The following MPP2 variants were observed in gnomAD, a reference collection of about 807,000 sequenced individuals.
MPP2 encodes MAGUK p55 subfamily member 2.
Under a neutral mutation model 58.5 loss-of-function variants are expected in MPP2, and 42 were observed. The observed-to-expected ratio is 0.72, with a 90% CI of 0.56 to 0.93. The LOEUF is 0.93. Ranked by LOEUF, MPP2 falls within the 40% of genes least tolerant of loss-of-function variation. The pLI is 0.00. For synonymous variants in MPP2, 300 were observed against 307.8 expected, an observed-to-expected ratio of 0.97 and a Z score of 0.26; for missense variants, 632 against 760.4, an observed-to-expected ratio of 0.83 and a Z score of 1.99.
At chr17:43,908,672 G>C (rs1567911159), upstream of MPP2, among the ~76,000 whole-genome samples, 1 of 152,164 alleles carries the variant, frequency 6.6e-6, no homozygotes, top group Non-Finnish European at 1.5e-5. Context: ...TTGCAACACC[G>C]CACTCCAGCC....
chr17:43,896,718 T>C (rs1459598942), intron 3 of MPP2, among the ~76,000 whole-genome samples: 2 of 152,128 alleles, frequency 1.3e-5, no homozygotes, highest in African/African-American at 4.8e-5. Flanking sequence ...ACATGGACAG[T>C]CGAGGTCCCC....
intron 3 of MPP2, among the ~76,000 whole-genome samples, chr17:43,886,004 A>G (rs1440929264): frequency 6.6e-6 from 1 of 151,942 alleles, no homozygotes; most frequent in Non-Finnish European, 1.5e-5. Flanking sequence ...GCTACTCAGG[A>G]GGCTGAGTCA....
intron 3 of MPP2, among the ~76,000 whole-genome samples, chr17:43,892,108 T>C (rs2047631864): frequency 6.6e-6 from 1 of 152,210 alleles, no homozygotes; most frequent in Admixed American, 6.5e-5. Flanking sequence ...CTGATCTCTC[T>C]GCCAGACTTG....
At chr17:43,901,255 G>A (rs1342993842) in intron 2 of MPP2, 36 of 985,216 alleles carry the variant, frequency 3.7e-5, no homozygotes, top group Non-Finnish European at 4.1e-5. Context: ...CATCGCTGTG[G>A]GTAGGGATGG....
At chr17:43,901,337 C>G (rs1344259893) in intron 2 of MPP2, 1 of 985,408 alleles carries the variant, frequency 1.0e-6, no homozygotes, top group African/African-American at 1.7e-5. Context: ...AGTTCTTCCT[C>G]TTAATGAAGG....
chr17:43,897,896 A>G (rs2047915750), intron 3 of MPP2, among the ~76,000 whole-genome samples: 1 of 152,208 alleles, frequency 6.6e-6, no homozygotes, highest in African/African-American at 2.4e-5. Flanking sequence ...TCTCTCCCCA[A>G]CCTGATACAT....
intron 2 of MPP2, chr17:43,900,743 G>T: frequency 1.9e-6 from 2 of 1,042,330 alleles, no homozygotes; most frequent in Non-Finnish European, 2.6e-6. Context: ...GCTGCGCGGT[G>T]CAGAGCAGGC....
intron 2 of MPP2, among the ~76,000 whole-genome samples, chr17:43,904,177 C>T (rs779826624): frequency 6.6e-6 from 1 of 152,170 alleles, no homozygotes; most frequent in Non-Finnish European, 1.5e-5. Context: ...CTGCCCTCCA[C>T]GGAGGTGAGT....
chr17:43,904,864 T>C (rs1397664124), intron 1 of MPP2, among the ~76,000 whole-genome samples: 2 of 152,212 alleles, frequency 1.3e-5, no homozygotes, highest in East Asian at 3.8e-4. Context: ...AGGAAACAAG[T>C]AGAATTTTTA....
At chr17:43,878,116 AG>A in intron 12 of MPP2, 133 bp from the exon 13 acceptor site, 1 of 933,614 alleles carries the variant, frequency 1.1e-6, no homozygotes, top group Non-Finnish European at 1.6e-6. Context: ...CTAGGGAGGC[AG>A]GGGCCCCTCT....
intron 6 of MPP2, among the ~76,000 whole-genome samples, chr17:43,881,798 G>A (rs1418834631): frequency 2.0e-5 from 3 of 152,140 alleles, no homozygotes; most frequent in Non-Finnish European, 4.4e-5. Flanking sequence ...TCAGGACCAA[G>A]GATGCGGGAC....
chr17:43,894,127 A>T (rs918954554), intron 3 of MPP2, among the ~76,000 whole-genome samples: 9 of 149,370 alleles, frequency 6.0e-5, no homozygotes, highest in African/African-American at 1.7e-4. Context: ...AAAAAAAAAA[A>T]TACAAAAATG....
At chr17:43,906,776 C>A (rs1160995286) in intron 1 of MPP2, among the ~76,000 whole-genome samples, 1 of 152,124 alleles carries the variant, frequency 6.6e-6, no homozygotes, top group Non-Finnish European at 1.5e-5. Flanking sequence ...AAAGAAGGCT[C>A]TCTACGTGCG....
At chr17:43,900,444 GC>G in intron 2 of MPP2, 2 of 837,046 alleles carry the variant, frequency 2.4e-6, no homozygotes, top group Non-Finnish European at 3.7e-6. Context: ...CAGCTGCCCC[GC>G]CCCCATCTGG....
chr17:43,888,007 T>G (rs1260354432), intron 3 of MPP2, among the ~76,000 whole-genome samples: 2 of 152,152 alleles, frequency 1.3e-5, no homozygotes, highest in African/African-American at 4.8e-5. Flanking sequence ...TTGTTGAATG[T>G]TGAAGTGGGG....
chr17:43,886,700 G>A (rs1181913916), intron 3 of MPP2, among the ~76,000 whole-genome samples: 2 of 152,156 alleles, frequency 1.3e-5, no homozygotes, highest in Admixed American at 6.5e-5. Context: ...AGCACTGTAT[G>A]AGGGATTTTC....
chr17:43,875,857 A>C lies in MPP2; in HGVS notation c.*1950T>G, dbSNP rs1432237031. ...GGGGCAGAAGCAGCTGCAACAACAG[A>C]TCTTCCCCTGCCTCTACCCTCAAAT... On this transcript the variant is annotated 3_prime_UTR_variant, in exon 13 of 13. Coordinates refer to ENST00000269095, the MANE Select transcript of MPP2 (RefSeq NM_005374.5). The C allele has an allele frequency of 6.6e-6, 1 of 152,168 alleles. No homozygotes were observed. Among genetic ancestry groups the C allele is most frequent in the Non-Finnish European group, 1.5e-5 (1 of 68,040 alleles). The allele number at this position is 152,168 out of a possible 1,614,324, so 9.4% of individuals were successfully genotyped here.
chr17:43,888,080 C>G (rs1479969750), intron 3 of MPP2, among the ~76,000 whole-genome samples: 2 of 152,134 alleles, frequency 1.3e-5, no homozygotes, highest in Admixed American at 6.5e-5. Context: ...ATTTGTTTAG[C>G]CATGAGATGG....
Position 43,877,705 on chromosome 17 carries a change from T to G in MPP2, c.*102A>C. ...GAGCTGTTACCCAAGGACAGCCAGATATGGGGGCTAAGGATTGTGGCAGGG... is the reference window on the plus strand; with the variant it reads ...GAGCTGTTACCCAAGGACAGCCAGAGATGGGGGCTAAGGATTGTGGCAGGG... On this transcript the variant is annotated 3_prime_UTR_variant, in exon 13 of 13. Coordinates refer to ENST00000269095, the MANE Select transcript of MPP2 (RefSeq NM_005374.5). The G allele has an allele frequency of 2.0e-6, 2 of 1,023,522 alleles. No individual in the cohort carries two copies. The highest frequency in any genetic ancestry group is 3.0e-6 in the Non-Finnish European group (2 of 676,766). The allele number at this position is 1,023,522 out of a possible 1,614,324, so 63.4% of individuals were successfully genotyped here.
Sources: allele counts gnomAD v4.1 joint callset (sites outside exome capture counted in the v4.1 genomes callset), GRCh38; gene constraint gnomAD v4.1.1; transcripts MANE v1.5; gene names NCBI Gene and HGNC (gene_info 2026-07-23, HGNC 2026-07-21).